The following NECTIN3 variants were observed in gnomAD, a reference collection of about 807,000 sequenced individuals.
The protein encoded by NECTIN3 is nectin cell adhesion molecule 3.
NECTIN3 carries 8 observed loss-of-function variants against 49.4 expected under a neutral mutation model. The observed-to-expected ratio is 0.16, with a 90% CI of 0.10 to 0.29. The LOEUF is 0.29. Among genes scored for constraint, NECTIN3 ranks in the 10% least tolerant of loss-of-function variants. NECTIN3 has a pLI of 1.00. For missense variants in NECTIN3, 581 were observed against 654.6 expected, an observed-to-expected ratio of 0.89 and a Z score of 1.23; for synonymous variants, 277 against 241.1, an observed-to-expected ratio of 1.15 and a Z score of -1.38.
chr3:111,123,507 C>T (rs1370324665), intron 4 of NECTIN3, among the ~76,000 whole-genome samples: 5 of 152,112 alleles, frequency 3.3e-5, no homozygotes, highest in Non-Finnish European at 7.4e-5. Flanking sequence ...TGGAGAGGCT[C>T]CAGATACCAC....
intron 7 of NECTIN3, among the ~76,000 whole-genome samples, chr3:111,162,203 TA>T (rs1226730485): frequency 2.0e-5 from 3 of 151,482 alleles, no homozygotes; most frequent in Non-Finnish European, 2.9e-5. Context: ...ACACTGCCTT[TA>T]AAAAAAAATC....
intron 1 of NECTIN3, among the ~76,000 whole-genome samples, chr3:111,075,737 A>G (rs1260245960): frequency 6.6e-6 from 1 of 152,164 alleles, no homozygotes; most frequent in African/African-American, 2.4e-5. Context: ...GAGTATTCAG[A>G]ATATTAGAAT....
chr3:111,161,958 A>G (rs2035220567), intron 7 of NECTIN3, among the ~76,000 whole-genome samples: 1 of 152,150 alleles, frequency 6.6e-6, no homozygotes, highest in South Asian at 2.1e-4. Context: ...TGTTACAGCC[A>G]CTACCAGCCA....
rs1242794353 is a variant in NECTIN3, at chr3:111,135,103, A to G, written c.*888A>G. On this transcript the variant is annotated 3_prime_UTR_variant, in exon 6 of 6. Coordinates refer to ENST00000485303, the MANE Select transcript of NECTIN3 (RefSeq NM_015480.3). ...AGAGAGCATTTCGGAATACTGAAGT[A>G]CTAGTTTTAGAAATGAGACTTTCAG... The G allele has an allele frequency of 1.0e-6, 1 of 978,006 alleles. No individual in the cohort carries two copies. Among genetic ancestry groups the G allele is most frequent in the African/African-American group, 1.8e-5 (1 of 56,978 alleles). The allele number at this position is 978,006 out of a possible 1,614,324, so 60.6% of individuals were successfully genotyped here.
At chr3:111,190,652 C>T (rs1006898532), upstream of NECTIN3, among the ~76,000 whole-genome samples, 1 of 152,158 alleles carries the variant, frequency 6.6e-6, no homozygotes, top group African/African-American at 2.4e-5. Flanking sequence ...CTTATAAGGG[C>T]ACTAATCCCA....
chr3:111,091,265 AT>A (rs2032251876), intron 1 of NECTIN3, among the ~76,000 whole-genome samples: 2 of 151,534 alleles, frequency 1.3e-5, no homozygotes, highest in South Asian at 2.1e-4. Flanking sequence ...TTGTTTATTT[AT>A]TTTTTTTGAG....
At chr3:111,139,671 G>C (rs1204041213), downstream of NECTIN3, among the ~76,000 whole-genome samples, 2 of 151,658 alleles carry the variant, frequency 1.3e-5, no homozygotes, top group Non-Finnish European at 3.0e-5. Context: ...TTGTCATGCT[G>C]CTTCCTATCA....
At chr3:111,097,086 G>A (rs1223223804) in intron 1 of NECTIN3, among the ~76,000 whole-genome samples, 1 of 152,224 alleles carries the variant, frequency 6.6e-6, no homozygotes, top group Non-Finnish European at 1.5e-5. Context: ...CGGGAGGGAG[G>A]CTGTACCCTG....
At chr3:111,137,844 G>C (rs2034636358), downstream of NECTIN3, among the ~76,000 whole-genome samples, 1 of 120,574 alleles carries the variant, frequency 8.3e-6, no homozygotes, top group Non-Finnish European at 1.7e-5. Context: ...GTACAGGTTT[G>C]TTACACAGGT....
At chr3:111,120,975 C>CACCTAAA (rs541130426) in intron 3 of NECTIN3, among the ~76,000 whole-genome samples, 229 of 150,810 alleles carry the variant, frequency 1.5e-3, no homozygotes, top group African/African-American at 5.2e-3. Context: ...GTATACCAAA[C>CACCTAAA]ACCTAAAACA....
chr3:111,140,622 A>G (rs1397882898), downstream of NECTIN3, among the ~76,000 whole-genome samples: 1 of 151,918 alleles, frequency 6.6e-6, no homozygotes, highest in Admixed American at 6.6e-5. Context: ...TTTACCTGTT[A>G]CATGGGACAC....
At chr3:111,161,381 A>G (rs2035209508) in intron 7 of NECTIN3, among the ~76,000 whole-genome samples, 1 of 152,150 alleles carries the variant, frequency 6.6e-6, no homozygotes. Context: ...TGAGTTCTCA[A>G]GGATGCCAGA....
chr3:111,137,088 G>C lies in NECTIN3; in HGVS notation c.*2873G>C. The C allele has an allele frequency of 1.0e-6, 1 of 983,188 alleles. No homozygotes were observed. Among genetic ancestry groups the C allele is most frequent in the Non-Finnish European group, 1.2e-6 (1 of 828,092 alleles). The allele number at this position is 983,188 out of a possible 1,614,324, so 60.9% of individuals were successfully genotyped here. On this transcript the variant is annotated 3_prime_UTR_variant, in exon 6 of 6. Transcript: ENST00000485303. Reference sequence around the variant, plus strand: ...AATATTTTGCATTAAGGAGCTGTAGGAGTACAGTGTATAAGTACAGAAATT... The same window carrying C: ...AATATTTTGCATTAAGGAGCTGTAGCAGTACAGTGTATAAGTACAGAAATT...
downstream of NECTIN3, among the ~76,000 whole-genome samples, chr3:111,139,530 G>A (rs2034687687): frequency 6.6e-6 from 1 of 151,704 alleles, no homozygotes; most frequent in Non-Finnish European, 1.5e-5. Context: ...CACATAAGTG[G>A]TGCTATGTCT....
chr3:111,173,354 T>A (rs2035467875), intron 7 of NECTIN3, among the ~76,000 whole-genome samples: 1 of 152,228 alleles, frequency 6.6e-6, no homozygotes. Context: ...TTACCTGTAA[T>A]CATACGTGAT....
At chr3:111,109,375 C>T (rs2033358076) in intron 1 of NECTIN3, among the ~76,000 whole-genome samples, 1 of 152,044 alleles carries the variant, frequency 6.6e-6, no homozygotes. Flanking sequence ...ACTAGAAATT[C>T]TTTCTTTGGT....
At chr3:111,079,823 C>G (rs78322342) in intron 1 of NECTIN3, among the ~76,000 whole-genome samples, 94 of 152,046 alleles carry the variant, frequency 6.2e-4, no homozygotes, top group African/African-American at 2.2e-3. Context: ...TATTTAATGT[C>G]AACTTATATA....
At chr3:111,104,001 G>A (rs1366112562) in intron 1 of NECTIN3, among the ~76,000 whole-genome samples, 1 of 152,144 alleles carries the variant, frequency 6.6e-6, no homozygotes, top group African/African-American at 2.4e-5. Flanking sequence ...TCTTTGTGTG[G>A]ACACATGCCT....
chr3:111,133,829 T>C lies in NECTIN3; in HGVS notation c.1264T>C (p.Leu422=). The change falls in exon 6 of 6, where the codon TTG becomes CTG. Residue 422 remains leucine, a synonymous_variant. Transcript: ENST00000485303. ...TCTCTTCATAGTACTTGTAAGTGTT[T>C]TGGCTGGAATATTCTGCTATAGGAG... is the stretch of plus-strand genomic sequence containing the variant. The part of the protein sequence containing the change: ...GALFIVLVSV[L]AGIFCYRRRR... The C allele has an allele frequency of 1.2e-6, 2 of 1,613,976 alleles. No homozygotes were observed. The highest frequency in any genetic ancestry group is 1.3e-5 in the African/African-American group (1 of 75,018).
Sources: gnomAD v4.1 joint callset for allele counts (sites outside exome capture counted in the v4.1 genomes callset) on GRCh38, gnomAD v4.1.1 for gene constraint, MANE v1.5 for transcripts, NCBI Gene and HGNC (gene_info 2026-07-23, HGNC 2026-07-21) for gene names.